Variants in DNAJC3 observed in about 807,000 individuals in gnomAD.
The protein encoded by DNAJC3 is DnaJ heat shock protein family (Hsp40) member C3.
Under a neutral mutation model 68.6 loss-of-function variants are expected in DNAJC3, and 38 were observed. The observed-to-expected ratio is 0.55, with a 90% CI of 0.43 to 0.73. The LOEUF is 0.73. Ranked by LOEUF, DNAJC3 falls within the 30% of genes least tolerant of loss-of-function variation. DNAJC3 has a pLI of 0.00. For missense variants in DNAJC3, 526 were observed against 591.9 expected (o/e 0.89, Z 1.16); for synonymous variants, 203 against 204.0 (o/e 1.00, Z 0.04).
chr13:95,714,459 A>G (rs1000311625), intron 2 of DNAJC3, among the ~76,000 whole-genome samples: 1 of 152,036 alleles, frequency 6.6e-6, no homozygotes, highest in African/African-American at 2.4e-5. Flanking sequence ...AGAATGTAGA[A>G]ATATAATTTT....
intron 7 of DNAJC3, among the ~76,000 whole-genome samples, chr13:95,762,964 G>T (rs553638372): frequency 6.6e-6 from 1 of 152,178 alleles, no homozygotes; most frequent in Admixed American, 6.5e-5. Context: ...TAATACATTG[G>T]CATATTTACA....
chr13:95,698,030 C>G (rs1409229121), intron 1 of DNAJC3, among the ~76,000 whole-genome samples: 1 of 151,924 alleles, frequency 6.6e-6, no homozygotes, highest in Non-Finnish European at 1.5e-5. Context: ...TACCTGAATT[C>G]TTAATGCTGG....
intron 1 of DNAJC3, among the ~76,000 whole-genome samples, chr13:95,689,129 T>C (rs1566466807): frequency 6.7e-6 from 1 of 149,020 alleles, no homozygotes; most frequent in Non-Finnish European, 1.5e-5. Flanking sequence ...TCCTTCCTCT[T>C]TGATTTTTTT....
chr13:95,734,194 T>C (rs1223955829), intron 4 of DNAJC3, among the ~76,000 whole-genome samples: 1 of 152,228 alleles, frequency 6.6e-6, no homozygotes, highest in Non-Finnish European at 1.5e-5. Flanking sequence ...GGTTTAGGAC[T>C]CCCTTAAGCA....
chr13:95,704,535 AG>A (rs1307740420), intron 1 of DNAJC3, among the ~76,000 whole-genome samples: 1 of 152,212 alleles, frequency 6.6e-6, no homozygotes, highest in African/African-American at 2.4e-5. Flanking sequence ...TTTGCTATGA[AG>A]TGAATTCCTT....
intron 4 of DNAJC3, chr13:95,742,965 G>A (rs1882194659): frequency 2.3e-6 from 1 of 429,204 alleles, no homozygotes. Flanking sequence ...GATGGTATGA[G>A]GTTTAGGTCG....
chr13:95,776,186 A>C (rs960501336), intron 9 of DNAJC3, among the ~76,000 whole-genome samples: 2 of 152,126 alleles, frequency 1.3e-5, no homozygotes, highest in African/African-American at 4.8e-5. Context: ...TTTTGCTTAA[A>C]GTGCATCCTC....
intron 4 of DNAJC3, among the ~76,000 whole-genome samples, chr13:95,738,157 T>A (rs1462292851): frequency 6.7e-6 from 1 of 148,658 alleles, no homozygotes; most frequent in Non-Finnish European, 1.5e-5. Context: ...TAATCCTGAG[T>A]TCTAGTTTGA....
chr13:95,752,954 C>T (rs1882526283), intron 4 of DNAJC3, among the ~76,000 whole-genome samples: 3 of 152,210 alleles, frequency 2.0e-5, no homozygotes, highest in South Asian at 4.1e-4. Context: ...GCCACTTCTT[C>T]AACACTTCAT....
chr13:95,778,425 C>T (rs561002290), intron 9 of DNAJC3, among the ~76,000 whole-genome samples: 27 of 152,072 alleles, frequency 1.8e-4, no homozygotes, highest in African/African-American at 5.5e-4. Flanking sequence ...AGCCAATAGG[C>T]GAAAGCAATT....
chr13:95,765,189 A>T (rs959527409), intron 9 of DNAJC3, among the ~76,000 whole-genome samples: 1 of 152,158 alleles, frequency 6.6e-6, no homozygotes, highest in African/African-American at 2.4e-5. Flanking sequence ...AGCATGCTTC[A>T]ATAAGGCATG....
At chr13:95,683,795 G>A (rs928329132) in intron 1 of DNAJC3, among the ~76,000 whole-genome samples, 2 of 151,736 alleles carry the variant, frequency 1.3e-5, no homozygotes, top group African/African-American at 2.4e-5. Context: ...TTAGCCTGTT[G>A]TGGAGGTGGG....
In DNAJC3 at chr13:95,725,394, A is replaced by G. The variant is rs2139643470; in HGVS notation, c.393+142A>G. On this transcript the variant is annotated intron_variant, in intron 4 of 11. Coordinates refer to ENST00000602402, the MANE Select transcript of DNAJC3 (RefSeq NM_006260.5). ...CAGTAAATAGAGAATAGCCAGATTT[A>G]TATATTTAAGAATCACAAATCCTGA... is the stretch of plus-strand genomic sequence containing the variant. 7.9e-6 allele frequency: 4 copies of G among 507,816 alleles called. No individual in the cohort carries two copies. In the South Asian group the frequency reaches 1.7e-4, roughly 21 times the overall value. 31.5% of individuals were successfully genotyped at this position (507,816 alleles called of 1,614,324 possible).
At chr13:95,738,170 G>C (rs977433523) in intron 4 of DNAJC3, among the ~76,000 whole-genome samples, 1 of 147,844 alleles carries the variant, frequency 6.8e-6, no homozygotes, top group Admixed American at 6.7e-5. Context: ...TAGTTTGATT[G>C]CACTGTGGTC....
At chr13:95,680,868 C>T (rs1188587027) in intron 1 of DNAJC3, among the ~76,000 whole-genome samples, 3 of 152,150 alleles carry the variant, frequency 2.0e-5, no homozygotes, top group Non-Finnish European at 1.5e-5. Context: ...CTCTTCAGAA[C>T]GCAAACATTT....
At chr13:95,679,677 C>G (rs571191651) in intron 1 of DNAJC3, among the ~76,000 whole-genome samples, 16 of 152,226 alleles carry the variant, frequency 1.1e-4, no homozygotes, top group African/African-American at 3.1e-4. Flanking sequence ...TTTAGCTGCT[C>G]TTGTCACACA....
chr13:95,737,588 G>T (rs1881968465), intron 4 of DNAJC3, among the ~76,000 whole-genome samples: 1 of 151,962 alleles, frequency 6.6e-6, no homozygotes, highest in African/African-American at 2.4e-5. Flanking sequence ...ATTTCTTCTA[G>T]ATTTTCTAGT....
chr13:95,681,312 G>T (rs1879904380), intron 1 of DNAJC3, among the ~76,000 whole-genome samples: 1 of 152,196 alleles, frequency 6.6e-6, no homozygotes, highest in African/African-American at 2.4e-5. Flanking sequence ...GAGGAAAATG[G>T]AGACAACTTT....
At chr13:95,718,858 A>G (rs1881233593) in intron 2 of DNAJC3, among the ~76,000 whole-genome samples, 1 of 152,194 alleles carries the variant, frequency 6.6e-6, no homozygotes, top group Non-Finnish European at 1.5e-5. Flanking sequence ...AAGTAATCCT[A>G]CAGATTCTTC....
Sources: allele counts gnomAD v4.1 joint callset (sites outside exome capture counted in the v4.1 genomes callset), GRCh38; gene constraint gnomAD v4.1.1; transcripts MANE v1.5; gene names NCBI Gene and HGNC (gene_info 2026-07-23, HGNC 2026-07-21).